The following GOSR2 variants were observed in gnomAD, a reference collection of about 807,000 sequenced individuals.
GOSR2 encodes golgi SNAP receptor complex member 2, also known as 27 kDa Golgi SNARE protein.
A neutral mutation model predicts 27.9 loss-of-function variants in GOSR2; 20 were observed. The ratio of observed to expected loss-of-function variants is 0.72; its 90% CI spans 0.50 to 1.04. The LOEUF is 1.04. GOSR2 is among the 50% of genes least tolerant of loss of function. GOSR2 has a pLI of 0.00. For synonymous variants in GOSR2, 91 were observed against 98.8 expected (o/e 0.92, Z 0.47); for missense variants, 261 against 270.5 (o/e 0.97, Z 0.25).
At chr17:46,960,439 T>C (rs868370625) in intron 6 of GOSR2, among the ~76,000 whole-genome samples, 1 of 152,166 alleles carries the variant, frequency 6.6e-6, no homozygotes, top group African/African-American at 2.4e-5. Flanking sequence ...TGAAAAACAG[T>C]TTGGCAGTGT....
chr17:46,932,498 C>A (rs1188377665), intron 4 of GOSR2: 1 of 591,572 alleles, frequency 1.7e-6, no homozygotes. Context: ...ATGGTGGAAA[C>A]GTTTTTCTGA....
At position 46,939,206 on chromosome 17, in the gene GOSR2, C is replaced by T. The variant is rs955808922; in HGVS notation, c.*446C>T. ...AAAGGAAAGGAAAGAGGCCTTTTCTCACAGCCATTATATTAAATAGTAGGT... is the reference window on the plus strand; with the variant it reads ...AAAGGAAAGGAAAGAGGCCTTTTCTTACAGCCATTATATTAAATAGTAGGT... On this transcript the variant is annotated 3_prime_UTR_variant, in exon 6 of 6. Coordinates refer to ENST00000640051, the MANE Select transcript of GOSR2 (RefSeq NM_004287.5). 11 of 1,079,266 alleles carry T rather than the reference C, an allele frequency of 1.0e-5. No individual in the cohort carries two copies. Among genetic ancestry groups the T allele is most frequent in the African/African-American group, 3.3e-5 (2 of 61,438 alleles). 66.9% of individuals were successfully genotyped at this position (1,079,266 alleles called of 1,614,324 possible). A position where few individuals can be genotyped will look rare whatever the true frequency, so the allele number is the denominator to read the frequency against.
At chr17:46,956,636 T>C (rs9303532) in intron 6 of GOSR2, among the ~76,000 whole-genome samples, 61,170 of 152,024 alleles carry the variant, frequency 0.4, 12,536 homozygotes, top group South Asian at 0.48. Context: ...TGTCCCTTGA[T>C]GATTGTGTAA....
At chr17:46,926,159 C>T (rs1049952662) in intron 1 of GOSR2, among the ~76,000 whole-genome samples, 2 of 152,164 alleles carry the variant, frequency 1.3e-5, no homozygotes, top group South Asian at 2.1e-4. Flanking sequence ...AGAACTATTA[C>T]CTTATCTCAA....
rs2087383384 is a variant in GOSR2 at position 46,931,544 on chromosome 17, G to T, written c.203+337G>T. ...TTGTTCTGCTCTTTGGTTCCTGCTG[G>T]GTTCTTCTTGGGTTGAAATGAAAAA... On this transcript the variant is annotated intron_variant, in intron 3 of 5. Transcript: ENST00000640051. The T allele has an allele frequency of 1.3e-5, 5 of 374,662 alleles. No individual in the cohort carries two copies. The South Asian group carries it at 1.6e-4, about 12-fold the overall frequency. The allele number at this position is 374,662 out of a possible 1,614,324, so 23.2% of individuals were successfully genotyped here. A position where few individuals can be genotyped will look rare whatever the true frequency, so the allele number is the denominator to read the frequency against.
intron 2 of GOSR2, 133 bp downstream of exon 2, chr17:46,929,717 A>C (rs1013693104): frequency 3.0e-6 from 2 of 663,780 alleles, no homozygotes; most frequent in Non-Finnish European, 5.5e-6. Context: ...TAGGGTGGAC[A>C]GAAAAACCCT....
chr17:46,946,101 C>T (rs895534321), downstream of GOSR2, among the ~76,000 whole-genome samples: 1 of 151,986 alleles, frequency 6.6e-6, no homozygotes, highest in African/African-American at 2.4e-5. Context: ...ACCTGGGAAT[C>T]AATTCTCTGT....
At chr17:46,942,932 C>T (rs1015914011), downstream of GOSR2, among the ~76,000 whole-genome samples, 5 of 152,224 alleles carry the variant, frequency 3.3e-5, no homozygotes, top group African/African-American at 1.2e-4. Flanking sequence ...CCCTCCCCGC[C>T]TCATCCCCAT....
rs183079665 is a variant in GOSR2, at chr17:46,952,056, G to C, written c.583+13352G>C. Among the ~76,000 whole-genome samples, 37 of 152,344 alleles carry C rather than the reference G, an allele frequency of 2.4e-4. 1 individual carries two copies. The highest frequency in any genetic ancestry group is 2.2e-3 in the Admixed American group (33 of 15,302). On this transcript the variant is annotated intron_variant, in intron 6 of 6. Coordinates refer to the GOSR2 transcript ENST00000573224. ...TCAGGGAGAGGGGGAGATTCCTGAA[G>C]CTGGGTTGTTATTTTTTGTGAAGCT... is the stretch of plus-strand genomic sequence containing the variant.
At chr17:46,956,309 A>G (rs2090711544) in intron 6 of GOSR2, among the ~76,000 whole-genome samples, 3 of 48,054 alleles carry the variant, frequency 6.2e-5, no homozygotes, top group African/African-American at 8.7e-5. Context: ...TTTTTTTTTG[A>G]GACAGAGTTT....
chr17:46,971,060 T>A (rs2091387070), downstream of GOSR2, among the ~76,000 whole-genome samples: 1 of 152,150 alleles, frequency 6.6e-6, no homozygotes, highest in African/African-American at 2.4e-5. Flanking sequence ...TATCATCGCT[T>A]TAAAACATAG....
chr17:46,965,156 G>C (rs375831907), intron 6 of GOSR2: 1 of 152,232 alleles, frequency 6.6e-6, no homozygotes, highest in South Asian at 2.1e-4. Context: ...AACAAGGCAT[G>C]TTCTCGGGTG....
At position 46,939,046 on chromosome 17, in the gene GOSR2, G is replaced by GTGGCTTTGT. The variant is rs376212419; in HGVS notation, c.*288_*296dup. On this transcript the variant is annotated 3_prime_UTR_variant, in exon 6 of 6. Coordinates refer to ENST00000640051, the MANE Select transcript of GOSR2 (RefSeq NM_004287.5). ...CTGGGGGAGGGAAAGAATGGCTTTG[G>GTGGCTTTGT]TGGCTTTGTTCACATAGCTGATGCG... is the stretch of plus-strand genomic sequence containing the variant. 131,487 of 1,265,938 alleles carry GTGGCTTTGT rather than the reference G, an allele frequency of 0.1. 7,541 individuals carry two copies. Among genetic ancestry groups the GTGGCTTTGT allele is most frequent in the African/African-American group, 0.13 (8,568 of 65,158 alleles). The allele number at this position is 1,265,938 out of a possible 1,614,324, so 78.4% of individuals were successfully genotyped here.
chr17:46,925,626 C>T (rs1729236948), intron 1 of GOSR2, among the ~76,000 whole-genome samples: 1 of 152,196 alleles, frequency 6.6e-6, no homozygotes, highest in Non-Finnish European at 1.5e-5. Flanking sequence ...ACAAGAAACA[C>T]GTGGAGTCCA....
chr17:46,936,097 C>T, intron 5 of GOSR2: 1 of 985,896 alleles, frequency 1.0e-6, no homozygotes, highest in Non-Finnish European at 1.2e-6. Context: ...ACACTCACCT[C>T]CTGCTGACAG....
At chr17:46,947,855 G>A (rs113099585) in intron 6 of GOSR2, among the ~76,000 whole-genome samples, 1 of 152,104 alleles carries the variant, frequency 6.6e-6, no homozygotes, top group Non-Finnish European at 1.5e-5. Context: ...CGTAACCTCC[G>A]CCTCCCGGGT....
At chr17:46,960,562 G>A (rs1209805724) in intron 6 of GOSR2, among the ~76,000 whole-genome samples, 1 of 152,112 alleles carries the variant, frequency 6.6e-6, no homozygotes, top group African/African-American at 2.4e-5. Flanking sequence ...CTCTACATGA[G>A]GATTTATTTG....
chr17:46,968,451 G>A (rs1405381901), downstream of GOSR2, among the ~76,000 whole-genome samples: 2 of 152,168 alleles, frequency 1.3e-5, no homozygotes, highest in African/African-American at 4.8e-5. Context: ...CCCTCCATGC[G>A]GGGACCGCTG....
Position 46,939,640 on chromosome 17 carries a change from T to G in GOSR2, c.*880T>G. 2.0e-6 allele frequency: 2 copies of G among 985,688 alleles called. No homozygotes were observed. Among genetic ancestry groups the G allele is most frequent in the Non-Finnish European group, 2.4e-6 (2 of 830,106 alleles). 61.1% of individuals were successfully genotyped at this position (985,688 alleles called of 1,614,324 possible). A position where few individuals can be genotyped will look rare whatever the true frequency, so the allele number is the denominator to read the frequency against. On this transcript the variant is annotated 3_prime_UTR_variant, in exon 6 of 6. Transcript: ENST00000640051. ...TAGTATCTCTAATTCTTTGGTTCCC[T>G]TCTCTTCCCTGAAATATATTAGCAC...
Sources: gnomAD v4.1 joint callset for allele counts (sites outside exome capture counted in the v4.1 genomes callset) on GRCh38, gnomAD v4.1.1 for gene constraint, MANE v1.5 for transcripts, NCBI Gene and HGNC (gene_info 2026-07-23, HGNC 2026-07-21) for gene names.